GLT8D1: variants seen among roughly 807,000 people sequenced by gnomAD.
GLT8D1 encodes the protein glycosyltransferase 8 domain containing 1.
Under a neutral mutation model 46.2 loss-of-function variants are expected in GLT8D1, and 41 were observed. That is an observed-to-expected ratio of 0.89 (90% CI 0.69 to 1.15). The LOEUF is 1.15. Among genes scored for constraint, GLT8D1 ranks in the 50% most tolerant of loss-of-function variants. The pLI is 0.00. For synonymous variants in GLT8D1, 150 were observed against 154.2 expected, an observed-to-expected ratio of 0.97 and a Z score of 0.20; for missense variants, 408 against 449.3, an observed-to-expected ratio of 0.91 and a Z score of 0.83.
intron 1 of GLT8D1, 60 bp from the exon 2 acceptor site, chr3:52,700,556 C>T: frequency 1.4e-6 from 1 of 718,030 alleles, no homozygotes; most frequent in South Asian, 1.9e-5. Context: ...CATCAAAATG[C>T]CCTAACACTT....
Position 52,697,739 on chromosome 3 carries a change from T to C in GLT8D1, c.311A>G (p.Asn104Ser), listed in dbSNP as rs765510992. Residue 104 changes from asparagine to serine, a missense_variant, in exon 4 of 10, where the codon AAT (asparagine) becomes AGT (serine). Physicochemically the swap from Asn to Ser is conservative, Grantham distance 46. Transcript: ENST00000266014. ...AGCTCACCGGAGATGGTCTGCTGTA[T>C]TGTTGAGAGTAACAATGTAGAAAAT... The part of the protein sequence containing the change: ...NVIFYIVTLN[N>S]TADHLRSWLN... 9 of 1,611,254 alleles carry C rather than the reference T, an allele frequency of 5.6e-6. No homozygotes were observed. Among genetic ancestry groups the C allele is most frequent in the Admixed American group, 1.7e-5 (1 of 60,008 alleles).
chr3:52,701,848 A>T lies in GLT8D1; in HGVS notation c.-36-1352T>A, dbSNP rs557253944. ...GTAGGTGGAACTAAATTTATTTAAA[A>T]AATAAATTCCTTCAACAAGCTCTGG... On this transcript the variant is annotated intron_variant, in intron 1 of 9. Transcript: ENST00000266014. Among the ~76,000 whole-genome samples the T allele has an allele frequency of 8.5e-4, 130 of 152,376 alleles. 1 individual carries two copies. Among genetic ancestry groups the T allele is most frequent in the Non-Finnish European group, 1.2e-3 (85 of 68,042 alleles).
intron 1 of GLT8D1, chr3:52,701,255 T>C (rs1408049091): frequency 1.3e-5 from 2 of 151,692 alleles, no homozygotes; most frequent in Non-Finnish European, 2.9e-5. Flanking sequence ...CCAAATTCAC[T>C]TGACAAACCC....
chr3:52,698,054 A>C, intron 3 of GLT8D1, 120 bp from the exon 4 acceptor site: 1 of 678,316 alleles, frequency 1.5e-6, no homozygotes, highest in Non-Finnish European at 2.6e-6. Context: ...TCCCCCATTA[A>C]ACTGAAGCAT....
At chr3:52,696,417 G>A (rs1325220236) in intron 5 of GLT8D1, 99 bp from the exon 6 acceptor site, 39 of 1,049,818 alleles carry the variant, frequency 3.7e-5, no homozygotes, top group Non-Finnish European at 5.8e-5. Flanking sequence ...TTCAGGAGAA[G>A]AAAGGACTCT....
intron 1 of GLT8D1, among the ~76,000 whole-genome samples, chr3:52,700,987 C>T (rs1347702005): frequency 6.6e-6 from 1 of 152,106 alleles, no homozygotes; most frequent in African/African-American, 2.4e-5. Flanking sequence ...ATCGCTTGAA[C>T]CTGGGCAACA....
intron 6 of GLT8D1, 64 bp from the exon 7 acceptor site, chr3:52,696,104 C>T (rs2097333159): frequency 8.4e-7 from 1 of 1,193,110 alleles, no homozygotes; most frequent in Non-Finnish European, 1.3e-6. Flanking sequence ...GTTACTCCCA[C>T]TTCTCCCTAT....
intron 5 of GLT8D1, 74 bp downstream of exon 5, chr3:52,696,468 T>G: frequency 9.8e-7 from 1 of 1,022,828 alleles, no homozygotes. Flanking sequence ...CTACTTGCAC[T>G]ATACCCACAG....
chr3:52,695,108 C>CAAAG (rs1011417417), intron 9 of GLT8D1, 73 bp from the exon 10 acceptor site: 28 of 1,431,712 alleles, frequency 2.0e-5, no homozygotes, highest in Admixed American at 1.7e-4. Flanking sequence ...TTAAGGGAAA[C>CAAAG]AAAGAATATA....
In GLT8D1 at chr3:52,705,767, G is replaced by C; in HGVS notation, c.-357C>G. ...AGCCAGCCCGCAGCGGTAACCGCTA[G>C]AGCGTCGCGCCAAGCAGGCGCCGCG... On this transcript the variant is annotated 5_prime_UTR_variant, in exon 1 of 10. Coordinates refer to ENST00000266014, the MANE Select transcript of GLT8D1 (RefSeq NM_018446.4). 8.7e-7 allele frequency: 1 copy of C among 1,147,840 alleles called. No individual in the cohort carries two copies. The highest frequency in any genetic ancestry group is 1.1e-6 in the Non-Finnish European group (1 of 895,018). 71.1% of individuals were successfully genotyped at this position (1,147,840 alleles called of 1,614,324 possible). A position where few individuals can be genotyped will look rare whatever the true frequency, so the allele number is the denominator to read the frequency against.
rs1425699268 is a variant in GLT8D1 at position 52,695,252 on chromosome 3, AGAG to A, written c.860_862del (p.Pro287del). On this transcript the variant is annotated inframe_deletion, in exon 9 of 10. Coordinates refer to ENST00000266014, the MANE Select transcript of GLT8D1 (RefSeq NM_018446.4). ...GTGCTGTTGATAAAATACGATAAGC[AGAG>A]GAGGTGTTGTGATGCTACCAGCCAG... 33 of 1,613,934 alleles carry A rather than the reference AGAG, an allele frequency of 2.0e-5. No homozygotes were observed. Among genetic ancestry groups the A allele is most frequent in the Non-Finnish European group, 2.6e-5 (31 of 1,179,912 alleles).
At chr3:52,702,952 A>G (rs1005324484) in intron 1 of GLT8D1, 3 of 151,080 alleles carry the variant, frequency 2.0e-5, no homozygotes, top group African/African-American at 7.3e-5. Flanking sequence ...ACGCCCAGCT[A>G]ATTTTAATAG....
At chr3:52,696,806 T>C in intron 4 of GLT8D1, 147 bp from the exon 5 acceptor site, 2 of 598,490 alleles carry the variant, frequency 3.3e-6, no homozygotes, top group Non-Finnish European at 6.0e-6. Context: ...GAAGTGAGGG[T>C]AATTCCCACC....
intron 1 of GLT8D1, chr3:52,704,590 C>T (rs1317826969): frequency 6.6e-6 from 1 of 152,226 alleles, no homozygotes; most frequent in Non-Finnish European, 1.5e-5. Context: ...TTGCCCATCC[C>T]TCTTTCTGCC....
At chr3:52,704,899 C>G (rs927451086) in intron 1 of GLT8D1, 11 of 152,324 alleles carry the variant, frequency 7.2e-5, no homozygotes, top group African/African-American at 2.7e-4. Flanking sequence ...ACGCTCTGGG[C>G]TCTTCCAAGG....
At position 52,696,033 on chromosome 3, in the gene GLT8D1, A is replaced by C. The variant is rs2097333052; in HGVS notation, c.540T>G (p.Ile180Met). The C allele has an allele frequency of 1.9e-6, 3 of 1,583,860 alleles. No homozygotes were observed. The highest frequency in any genetic ancestry group is 2.6e-6 in the Non-Finnish European group (3 of 1,152,736). The part of the protein sequence containing the change: ...MDDDVIVQGD[I>M]LALYNTALKP... Reference sequence around the variant, plus strand: ...TCAGTGCTGTATTGTAAAGGGCAAGAATATCACCTGAAATAGACAAGATGT... The same window carrying C: ...TCAGTGCTGTATTGTAAAGGGCAAGCATATCACCTGAAATAGACAAGATGT... Residue 180 changes from isoleucine to methionine, a missense_variant, in exon 7 of 10, where the codon ATT becomes ATG. Ile to Met is a conservative substitution (Grantham distance 10). Coordinates refer to ENST00000266014, the MANE Select transcript of GLT8D1 (RefSeq NM_018446.4).
rs368586218 is a variant in GLT8D1, at chr3:52,700,246, A to G, written c.115+16T>C. ...CGCAACAGATTCTAAGGCATTATTA[A>G]TAAGTGCTCGCATACCTGTAACCTC... On this transcript the variant is annotated intron_variant, in intron 3 of 9. Transcript: ENST00000266014. 8.5e-6 allele frequency: 13 copies of G among 1,530,912 alleles called. No individual in the cohort carries two copies. Among genetic ancestry groups the G allele is most frequent in the South Asian group, 6.8e-5 (6 of 88,364 alleles). The allele number at this position is 1,530,912 out of a possible 1,614,324, so 94.8% of individuals were successfully genotyped here. A position where few individuals can be genotyped will look rare whatever the true frequency, so the allele number is the denominator to read the frequency against.
At position 52,700,070 on chromosome 3, in the gene GLT8D1, C is replaced by T. The variant is rs138588888; in HGVS notation, c.115+192G>A. ...ACTTTCTGAAGCCCTGTCCTGCTGA[C>T]ATGTGAACAGATGGCAGCCCTCAGA... On this transcript the variant is annotated intron_variant, in intron 3 of 9. Transcript: ENST00000266014. Among the ~76,000 whole-genome samples, 612 of 152,306 alleles carry T rather than the reference C, an allele frequency of 4.0e-3. 3 individuals carry two copies. Among genetic ancestry groups the T allele is most frequent in the South Asian group, 0.023 (109 of 4,820 alleles).
chr3:52,704,458 CAAAAAAAAA>C (rs60851820), intron 1 of GLT8D1, among the ~76,000 whole-genome samples: 1 of 53,558 alleles, frequency 1.9e-5, no homozygotes, highest in Non-Finnish European at 3.5e-5. Flanking sequence ...GTCTTCGCCT[CAAAAAAAAA>C]AAAAAAAAAA....
Sources: allele counts gnomAD v4.1 joint callset (sites outside exome capture counted in the v4.1 genomes callset), GRCh38; gene constraint gnomAD v4.1.1; transcripts MANE v1.5; gene names NCBI Gene and HGNC (gene_info 2026-07-23, HGNC 2026-07-21).